SLC16A2: variants seen among roughly 807,000 people sequenced by gnomAD.
SLC16A2 encodes the protein monocarboxylate transporter 8.
In SLC16A2, 3 loss-of-function variants were observed where a neutral mutation model predicts 27.2. The observed-to-expected ratio is 0.11, with a 90% confidence interval of 0.05 to 0.28. SLC16A2 has a LOEUF of 0.28. SLC16A2 is among the 10% of genes least tolerant of loss of function. SLC16A2 has a pLI of 1.00. For missense variants in SLC16A2, 295 were observed against 458.5 expected, an observed-to-expected ratio of 0.64 and a Z score of 3.26; for synonymous variants, 202 against 187.8, an observed-to-expected ratio of 1.08 and a Z score of -0.62.
intron 1 of SLC16A2, among the ~76,000 whole-genome samples, chrX:74,474,985 G>C (rs1241494878): frequency 1.3e-4 from 15 of 111,282 alleles, no homozygotes; most frequent in Non-Finnish European, 1.9e-5. Context: ...AATCCTTTGG[G>C]TATATACCCA....
intron 1 of SLC16A2, among the ~76,000 whole-genome samples, chrX:74,474,678 G>A (rs1404176527): frequency 9.1e-6 from 1 of 109,671 alleles, no homozygotes; most frequent in Non-Finnish European, 1.9e-5. Flanking sequence ...CCCTTCCTGT[G>A]TCCATGTGTT....
At chrX:74,428,737 G>C (rs949850038) in intron 1 of SLC16A2, among the ~76,000 whole-genome samples, 7 of 111,717 alleles carry the variant, frequency 6.3e-5, no homozygotes, top group Admixed American at 1.9e-4. Context: ...CATAAAGATA[G>C]CTGCTATGAC....
At chrX:74,430,117 T>G (rs764875265) in intron 1 of SLC16A2, among the ~76,000 whole-genome samples, 38 of 112,602 alleles carry the variant, frequency 3.4e-4, no homozygotes, top group Admixed American at 4.7e-4. Context: ...ATTTAGCAAT[T>G]AAGTCTGTGC....
chrX:74,506,942 T>A (rs199521889), intron 1 of SLC16A2, among the ~76,000 whole-genome samples: 13,190 of 49,370 alleles, frequency 0.27, 1,453 homozygotes, highest in East Asian at 0.76. Flanking sequence ...TATTTATTTT[T>A]TTTTTTTTGA....
At position 74,524,401 on chromosome X, in the gene SLC16A2, T is replaced by C. The variant is rs981881737; in HGVS notation, c.618T>C (p.Gly206=). The change falls in exon 3 of 6, where the codon GGT becomes GGC. Residue 206 remains glycine, a synonymous_variant. Coordinates refer to ENST00000587091, the MANE Select transcript of SLC16A2 (RefSeq NM_006517.5). ...ACTTCACCTACGGGATTCTCTTTGG[T>C]TGTGGCTGTTCCTTCGCCTTTCAGC... ...LRYFTYGILF[G]CGCSFAFQPS... is the part of the protein sequence containing the mutation. 3.3e-6 allele frequency: 4 copies of C among 1,209,861 alleles called. No individual in the cohort carries two copies. The highest frequency in any genetic ancestry group is 4.5e-6 in the Non-Finnish European group (4 of 895,251).
chrX:74,442,307 C>G (rs1403192410), intron 1 of SLC16A2, among the ~76,000 whole-genome samples: 4 of 109,290 alleles, frequency 3.7e-5, no homozygotes, highest in African/African-American at 6.7e-5. Flanking sequence ...GTCTCATTAG[C>G]GTTGGCCGAG....
chrX:74,427,468 C>A lies in SLC16A2; in HGVS notation c.430+5401C>A, dbSNP rs994142831. Among the ~76,000 whole-genome samples the A allele has an allele frequency of 7.2e-5, 8 of 111,344 alleles. No individual in the cohort carries two copies. In the East Asian group the frequency reaches 2.0e-3, roughly 28 times the overall value. ...CAGGCACAGAGCTCTCTTTCCTTTT[C>A]CTTGGAAGTCATTGGCCGTATTGCC... is the stretch of plus-strand genomic sequence containing the variant. On this transcript the variant is annotated intron_variant, in intron 1 of 5. Coordinates refer to ENST00000587091, the MANE Select transcript of SLC16A2 (RefSeq NM_006517.5).
chrX:74,497,250 C>T (rs1929953872), intron 1 of SLC16A2, among the ~76,000 whole-genome samples: 1 of 111,864 alleles, frequency 8.9e-6, no homozygotes, highest in Admixed American at 9.5e-5. Flanking sequence ...TTTAAAGGGA[C>T]CATGCTCTTT....
intron 1 of SLC16A2, among the ~76,000 whole-genome samples, chrX:74,516,592 A>C (rs752765866): frequency 4.3e-4 from 48 of 111,414 alleles, no homozygotes; most frequent in African/African-American, 1.3e-3. Context: ...GATTTCTTTG[A>C]GTACATTTTT....
At chrX:74,464,158 C>G (rs1929207391) in intron 1 of SLC16A2, among the ~76,000 whole-genome samples, 1 of 112,052 alleles carries the variant, frequency 8.9e-6, no homozygotes, top group Non-Finnish European at 1.9e-5. Flanking sequence ...GTTGATAACA[C>G]AGTTTGTCAT....
intron 1 of SLC16A2, among the ~76,000 whole-genome samples, chrX:74,502,363 C>T (rs1010631515): frequency 8.2e-5 from 9 of 109,519 alleles, no homozygotes; most frequent in Non-Finnish European, 1.7e-4. Flanking sequence ...CATACCCTTG[C>T]GGATATAATA....
chrX:74,520,525 G>A (rs5937841), intron 1 of SLC16A2, among the ~76,000 whole-genome samples: 57,984 of 110,442 alleles, frequency 0.53, 13,375 homozygotes, highest in Non-Finnish European at 0.73. Flanking sequence ...CATGACTCTT[G>A]CACAGTGTCC....
chrX:74,490,174 C>CTTAGGAACT (rs776936866), intron 1 of SLC16A2, among the ~76,000 whole-genome samples: 2 of 110,573 alleles, frequency 1.8e-5, no homozygotes, highest in Non-Finnish European at 1.9e-5. Flanking sequence ...AAAAAGAGAA[C>CTTAGGAACT]TTAGGAACTT....
intron 5 of SLC16A2, among the ~76,000 whole-genome samples, chrX:74,530,040 C>T (rs1362538077): frequency 1.0e-4 from 11 of 107,645 alleles, no homozygotes; most frequent in South Asian, 4.3e-4. Context: ...TCCCAGGGAA[C>T]GAGGAACAGA....
At chrX:74,491,920 T>C (rs1376264876) in intron 1 of SLC16A2, among the ~76,000 whole-genome samples, 2 of 112,285 alleles carry the variant, frequency 1.8e-5, no homozygotes, top group East Asian at 5.6e-4. Flanking sequence ...CTCTGTTAAG[T>C]CTGTAAACAC....
Position 74,531,780 on chromosome X carries a change from T to C in SLC16A2, c.*227T>C. 1 of 446,654 alleles carries C rather than the reference T, an allele frequency of 2.2e-6. No individual in the cohort carries two copies. The highest frequency in any genetic ancestry group is 3.9e-6 in the Non-Finnish European group (1 of 253,290). The allele number at this position is 446,654 out of a possible 1,213,427, so 36.8% of individuals were successfully genotyped here. The stretch of plus-strand genomic sequence containing the variant: ...CCAGGGCCTTTCTCCTCCCAGGATC[T>C]GGGAAAGCTTGGGAACCACCCCTGG... On this transcript the variant is annotated 3_prime_UTR_variant, in exon 6 of 6. Transcript: ENST00000587091.
At chrX:74,459,883 C>A (rs2147848600) in intron 1 of SLC16A2, among the ~76,000 whole-genome samples, 1 of 111,574 alleles carries the variant, frequency 9.0e-6, no homozygotes, top group East Asian at 2.8e-4. Context: ...TGGTCAACAA[C>A]TAGCATGGGT....
intron 1 of SLC16A2, among the ~76,000 whole-genome samples, chrX:74,488,015 C>T (rs896264555): frequency 6.3e-5 from 7 of 111,948 alleles, no homozygotes; most frequent in African/African-American, 2.3e-4. Flanking sequence ...TTTAACATAA[C>T]ATTACTTTAA....
At chrX:74,431,996 T>C (rs1432515940) in intron 1 of SLC16A2, among the ~76,000 whole-genome samples, 1 of 111,783 alleles carries the variant, frequency 8.9e-6, no homozygotes, top group Admixed American at 9.6e-5. Context: ...TCCTCAGTTC[T>C]CTGAGAGCCC....
Sources: allele counts gnomAD v4.1 joint callset (sites outside exome capture counted in the v4.1 genomes callset), GRCh38; gene constraint gnomAD v4.1.1; transcripts MANE v1.5; gene names NCBI Gene and HGNC (gene_info 2026-07-23, HGNC 2026-07-21).